SYNPO: variants seen among roughly 807,000 people sequenced by gnomAD.
SYNPO encodes the protein synaptopodin.
Under a neutral mutation model 49.5 loss-of-function variants are expected in SYNPO, and 19 were observed. The ratio of observed to expected loss-of-function variants is 0.38; its 90% CI spans 0.27 to 0.56. The LOEUF (loss-of-function observed/expected upper bound fraction) is 0.56, where lower values mean the gene tolerates loss of function less well. SYNPO is among the 20% of genes least tolerant of loss of function. The pLI, the probability that SYNPO is intolerant of heterozygous loss-of-function variation, is 0.68. For synonymous variants in SYNPO, 536 were observed against 548.0 expected, an observed-to-expected ratio of 0.98 and a Z score of 0.31; for missense variants, 1,131 against 1,248.3, an observed-to-expected ratio of 0.91 and a Z score of 1.42.
At chr5:150,602,995 AGGGTGT>A (rs1756586266) in intron 1 of SYNPO, among the ~76,000 whole-genome samples, 1 of 87,436 alleles carries the variant, frequency 1.1e-5, no homozygotes, top group African/African-American at 4.7e-5. Context: ...TTGCCACCTT[AGGGTGT>A]GTGTGTGTGT....
intron 2 of SYNPO, chr5:150,651,977 A>G (rs532176563): frequency 1.0e-6 from 1 of 1,000,420 alleles, no homozygotes; most frequent in South Asian, 4.7e-5. Context: ...TCTCTTTCCC[A>G]GCCCTAGTTC....
At chr5:150,643,503 G>T (rs912584391) in intron 1 of SYNPO, among the ~76,000 whole-genome samples, 4 of 152,184 alleles carry the variant, frequency 2.6e-5, no homozygotes, top group African/African-American at 9.7e-5. Flanking sequence ...GCAAATCTCT[G>T]CAGGGCTGTC....
At chr5:150,591,373 G>A in the SYNPO span, among the ~76,000 whole-genome samples, 10 of 152,186 alleles carry the variant, frequency 6.6e-5, no homozygotes, top group African/African-American at 1.9e-4. Context: ...TGCAGCATGC[G>A]CAGCTGAGCC....
upstream of SYNPO, among the ~76,000 whole-genome samples, chr5:150,596,442 C>T (rs1018028132): frequency 2.2e-4 from 33 of 152,226 alleles, no homozygotes; most frequent in African/African-American, 7.2e-4. Flanking sequence ...TTTCAGAAGA[C>T]GACGTTCGAT....
At chr5:150,639,081 A>T (rs1014890136), upstream of SYNPO, among the ~76,000 whole-genome samples, 1 of 152,158 alleles carries the variant, frequency 6.6e-6, no homozygotes, top group Non-Finnish European at 1.5e-5. Flanking sequence ...CTGATTATAG[A>T]TTAATAATTA....
chr5:150,586,390 C>T, the SYNPO span, among the ~76,000 whole-genome samples: 6 of 152,256 alleles, frequency 3.9e-5, no homozygotes, highest in African/African-American at 9.6e-5. Context: ...TCTCATCTTT[C>T]GGGTCTTAGC....
chr5:150,630,510 G>A (rs1030183096), intron 2 of SYNPO, among the ~76,000 whole-genome samples: 33 of 152,176 alleles, frequency 2.2e-4, no homozygotes, highest in African/African-American at 7.5e-4. Context: ...CTTTGGGAGG[G>A]CACATGGAGT....
chr5:150,656,564 C>G lies in SYNPO; in HGVS notation c.2189C>G (p.Pro730Arg). ...CTGCCGCCGCCACCGCCCATGTCTC[C>G]CTCGTGGAGCGAGCGCTCGGTGTCC... ...PPLPPPPPMS[P>R]SWSERSVSPL... The change falls in exon 3 of 3, where the codon CCC becomes CGC. Residue 730 changes from proline (P) to arginine (R), a missense_variant. Physicochemically the swap from Pro to Arg is moderately radical, Grantham distance 103 (BLOSUM62 -2). This residue lies in a region of SYNPO where 509 missense variants were observed against 484.5 expected (regional missense o/e 1.05). Coordinates refer to ENST00000307662, the MANE Select transcript of SYNPO (RefSeq NM_007286.6). 1 of 1,522,606 alleles carries G rather than the reference C, an allele frequency of 6.6e-7. No homozygotes were observed. The highest frequency in any genetic ancestry group is 1.2e-5 in the South Asian group (1 of 82,674). The allele number at this position is 1,522,606 out of a possible 1,614,324, so 94.3% of individuals were successfully genotyped here.
chr5:150,595,396 G>T, the SYNPO span, among the ~76,000 whole-genome samples: 2 of 152,242 alleles, frequency 1.3e-5, no homozygotes, highest in Non-Finnish European at 2.9e-5. Flanking sequence ...GGGAAACAGA[G>T]GCCCAGCGAG....
Position 150,657,428 on chromosome 5 carries a change from TCTCTCA to T in SYNPO, c.*343_*348del, listed in dbSNP as rs1269370670. 2.2e-3 allele frequency: 375 copies of T among 169,276 alleles called. 5 individuals carry two copies. In the East Asian group the frequency reaches 0.035, roughly 16 times the overall value. The allele number at this position is 169,276 out of a possible 1,614,324, so 10.5% of individuals were successfully genotyped here. A position where few individuals can be genotyped will look rare whatever the true frequency, so the allele number is the denominator to read the frequency against. On this transcript the variant is annotated 3_prime_UTR_variant, in exon 3 of 3. Coordinates refer to ENST00000307662, the MANE Select transcript of SYNPO (RefSeq NM_007286.6). ...CACACTCTCTCTTTCTCTCTCTCTC[TCTCTCA>T]CACACACACACACACACACACACAC...
Position 150,647,945 on chromosome 5 carries a change from G to T in SYNPO, c.-331G>T, listed in dbSNP as rs201843655. The stretch of plus-strand genomic sequence containing the variant: ...CTGGGCTTTTGTCCCTCCCTGTAGC[G>T]TTGGGCCGGAGCACTAGCCTCACGG... On this transcript the variant is annotated splice_region_variant and 5_prime_UTR_variant, in exon 2 of 3. Transcript: ENST00000307662. 2 of 1,551,014 alleles carry T rather than the reference G, an allele frequency of 1.3e-6. No individual in the cohort carries two copies. The highest frequency in any genetic ancestry group is 2.0e-5 in the Admixed American group (1 of 50,970).
intron 1 of SYNPO, among the ~76,000 whole-genome samples, chr5:150,610,624 A>C (rs1246090612): frequency 1.3e-5 from 2 of 152,196 alleles, no homozygotes; most frequent in African/African-American, 4.8e-5. Flanking sequence ...CAAAAACAAT[A>C]ATTATAATAA....
At chr5:150,634,460 A>T (rs1757642047) in intron 2 of SYNPO, among the ~76,000 whole-genome samples, 1 of 152,116 alleles carries the variant, frequency 6.6e-6, no homozygotes, top group South Asian at 2.1e-4. Flanking sequence ...GGTGGTGCTA[A>T]GGTGTATGGT....
rs1485478137 is a variant in SYNPO, at chr5:150,649,548, G to A, written c.1273G>A (p.Ala425Thr). Residue 425 changes from alanine (A) to threonine (T), a missense_variant, in exon 2 of 3, where the codon GCC (alanine) becomes ACC (threonine). Ala to Thr is a moderately conservative substitution (Grantham distance 58). Transcript: ENST00000307662. ...GGAGGAGGAGCCCTTCGCACTGGGG[G>A]CCGAGGCCTCCAACTTCCAGCAGGA... is the stretch of plus-strand genomic sequence containing the variant. ...GVEEEPFALG[A>T]EASNFQQEPA... The A allele has an allele frequency of 3.1e-6, 5 of 1,610,332 alleles. No homozygotes were observed. The highest frequency in any genetic ancestry group is 3.4e-6 in the Non-Finnish European group (4 of 1,178,498).
intron 1 of SYNPO, chr5:150,615,443 CCTT>C (rs1374115848): frequency 3.9e-5 from 6 of 152,344 alleles, no homozygotes; most frequent in Non-Finnish European, 8.8e-5. Context: ...CACGCCCACT[CCTT>C]CTGCCTCCGG....
Position 150,649,389 on chromosome 5 carries a change from G to T in SYNPO, c.1114G>T (p.Ala372Ser). 6.2e-7 allele frequency: 1 copy of T among 1,613,994 alleles called. No individual in the cohort carries two copies. Among genetic ancestry groups the T allele is most frequent in the Non-Finnish European group, 8.5e-7 (1 of 1,179,996 alleles). ...GACGGGCATTCTGGAGGAGTCGATG[G>T]CCCGCCGGGGCAGCCGCAAATCCAT... is the stretch of plus-strand genomic sequence containing the variant. ...SKTGILEESM[A>S]RRGSRKSMFT... The change falls in exon 2 of 3, where the codon GCC (alanine) becomes TCC (serine). Residue 372 changes from alanine to serine, a missense_variant. This residue lies in a region of SYNPO where 602 missense variants were observed against 720.7 expected (regional missense o/e 0.84). Coordinates refer to ENST00000307662, the MANE Select transcript of SYNPO (RefSeq NM_007286.6).
At chr5:150,634,876 C>T (rs1041519495) in intron 2 of SYNPO, among the ~76,000 whole-genome samples, 1 of 150,732 alleles carries the variant, frequency 6.6e-6, no homozygotes, top group African/African-American at 2.5e-5. Flanking sequence ...CACACACACA[C>T]ACAAAGGGGA....
At chr5:150,640,311 T>TCCC (rs1757854959), upstream of SYNPO, among the ~76,000 whole-genome samples, 1 of 152,174 alleles carries the variant, frequency 6.6e-6, no homozygotes, top group African/African-American at 2.4e-5. Flanking sequence ...AGAGGAGGGT[T>TCCC]CCCGGTAGAG....
chr5:150,650,315 T>A lies in SYNPO; in HGVS notation c.2028+12T>A, dbSNP rs1453270311. ...GGATCGAGGCTCAGGTGTGGAAGCC[T>A]TCCTTCTGCTTCAAGTAACGAACCC... On this transcript the variant is annotated intron_variant, in intron 2 of 2. Transcript: ENST00000307662. The A allele has an allele frequency of 6.2e-7, 1 of 1,614,026 alleles. No individual in the cohort carries two copies. The highest frequency in any genetic ancestry group is 1.7e-5 in the Admixed American group (1 of 60,028).
Sources: gnomAD v4.1 joint callset for allele counts (sites outside exome capture counted in the v4.1 genomes callset) on GRCh38, gnomAD v4.1.1 for gene constraint, gnomAD v4.1.1 regional missense constraint, MANE v1.5 for transcripts, NCBI Gene and HGNC (gene_info 2026-07-23, HGNC 2026-07-21) for gene names.